The following UBE2G1 variants were observed in gnomAD, a reference collection of about 807,000 sequenced individuals.
UBE2G1 encodes the protein ubiquitin conjugating enzyme E2 G1, also known as ubiquitin-conjugating enzyme E2 G1.
In UBE2G1, 5 loss-of-function variants were observed where a neutral mutation model predicts 22.7. The ratio of observed to expected loss-of-function variants is 0.22; its 90% confidence interval spans 0.12 to 0.46. The LOEUF is 0.46. UBE2G1 is among the 20% of genes least tolerant of loss of function. The pLI, the probability that UBE2G1 is intolerant of heterozygous loss-of-function variation, is 0.99. For synonymous variants in UBE2G1, 74 were observed against 67.5 expected (o/e 1.10, Z -0.47); for missense variants, 88 against 203.9 (o/e 0.43, Z 3.46).
At chr17:4,278,592 T>C (rs765717166) in intron 5 of UBE2G1, among the ~76,000 whole-genome samples, 16 of 152,242 alleles carry the variant, frequency 1.1e-4, no homozygotes, top group Non-Finnish European at 7.3e-5. Flanking sequence ...GAGTGAAATA[T>C]AGACCCATTG....
chr17:4,305,028 C>T (rs1486032148), intron 2 of UBE2G1, among the ~76,000 whole-genome samples: 1 of 151,140 alleles, frequency 6.6e-6, no homozygotes, highest in African/African-American at 2.4e-5. Context: ...TCCCGGCTCA[C>T]TGCAACCTCT....
At chr17:4,348,719 G>C (rs1176347345) in intron 1 of UBE2G1, among the ~76,000 whole-genome samples, 1 of 149,214 alleles carries the variant, frequency 6.7e-6, no homozygotes, top group Non-Finnish European at 1.5e-5. Flanking sequence ...AAATTAACTA[G>C]GCATGGTGGC....
At chr17:4,313,712 T>C (rs1043078502) in intron 1 of UBE2G1, among the ~76,000 whole-genome samples, 5 of 152,174 alleles carry the variant, frequency 3.3e-5, no homozygotes, top group Admixed American at 3.3e-4. Context: ...GGTGTACTGG[T>C]AGAGGCATGC....
chr17:4,283,026 T>G, intron 4 of UBE2G1, 105 bp from the exon 5 acceptor site: 1 of 932,242 alleles, frequency 1.1e-6, no homozygotes, highest in Non-Finnish European at 1.6e-6. Flanking sequence ...ATTTGTACAC[T>G]TCAGAAACAT....
intron 1 of UBE2G1, among the ~76,000 whole-genome samples, chr17:4,328,979 G>A (rs1172096018): frequency 6.6e-6 from 1 of 152,008 alleles, no homozygotes. Flanking sequence ...GGTGGCGGAC[G>A]CCTGTAGTCC....
intron 1 of UBE2G1, among the ~76,000 whole-genome samples, chr17:4,349,884 A>T (rs1306178729): frequency 6.6e-6 from 1 of 152,148 alleles, no homozygotes; most frequent in East Asian, 1.9e-4. Context: ...TTAAATAAAT[A>T]AAAGGACACT....
At chr17:4,357,964 T>C (rs1345494802) in intron 1 of UBE2G1, among the ~76,000 whole-genome samples, 2 of 151,382 alleles carry the variant, frequency 1.3e-5, no homozygotes, top group Non-Finnish European at 2.9e-5. Flanking sequence ...AAAAGATATA[T>C]GTAGACACAA....
chr17:4,342,443 A>G (rs72829396), intron 1 of UBE2G1, among the ~76,000 whole-genome samples: 4,368 of 152,292 alleles, frequency 0.029, 107 homozygotes, highest in Admixed American at 0.071. Flanking sequence ...AATGTTAAAC[A>G]TTAGTCAGGC....
intron 1 of UBE2G1, among the ~76,000 whole-genome samples, chr17:4,328,857 C>G (rs563609458): frequency 5.9e-5 from 9 of 152,082 alleles, no homozygotes; most frequent in Admixed American, 5.9e-4. Flanking sequence ...GAGGCCGGGG[C>G]GGGCAGATCA....
chr17:4,360,713 A>T (rs1185384752), intron 1 of UBE2G1, among the ~76,000 whole-genome samples: 1 of 152,040 alleles, frequency 6.6e-6, no homozygotes, highest in Non-Finnish European at 1.5e-5. Context: ...GGAGTTCAAG[A>T]CCAGCCTGAC....
At chr17:4,318,494 A>G (rs1969401891) in intron 1 of UBE2G1, among the ~76,000 whole-genome samples, 1 of 152,234 alleles carries the variant, frequency 6.6e-6, no homozygotes, top group South Asian at 2.1e-4. Flanking sequence ...AAAACGAAGA[A>G]TAAGCAACAA....
intron 1 of UBE2G1, among the ~76,000 whole-genome samples, chr17:4,364,767 G>A (rs1269340772): frequency 6.6e-6 from 1 of 151,380 alleles, no homozygotes; most frequent in Non-Finnish European, 1.5e-5. Flanking sequence ...TTTTAGTAGT[G>A]ACGGGGGTTT....
chr17:4,359,884 G>A (rs916785722), intron 1 of UBE2G1, among the ~76,000 whole-genome samples: 1 of 150,416 alleles, frequency 6.6e-6, no homozygotes, highest in African/African-American at 2.4e-5. Flanking sequence ...AAAAAAAACT[G>A]CTGATTAACT....
At chr17:4,330,090 T>C (rs1969553425) in intron 1 of UBE2G1, among the ~76,000 whole-genome samples, 1 of 152,124 alleles carries the variant, frequency 6.6e-6, no homozygotes, top group Non-Finnish European at 1.5e-5. Flanking sequence ...CTAGTTTAGC[T>C]AGACCACCCA....
intron 2 of UBE2G1, among the ~76,000 whole-genome samples, chr17:4,305,075 C>G (rs1969233547): frequency 6.6e-6 from 1 of 151,874 alleles, no homozygotes; most frequent in African/African-American, 2.4e-5. Context: ...GCCTCAGCCT[C>G]CCGAGTAGCT....
At chr17:4,359,708 CA>C (rs1292739646) in intron 1 of UBE2G1, among the ~76,000 whole-genome samples, 1 of 152,042 alleles carries the variant, frequency 6.6e-6, no homozygotes, top group African/African-American at 2.4e-5. Flanking sequence ...AAAAATGATC[CA>C]GGGGTGGTGG....
intron 5 of UBE2G1, among the ~76,000 whole-genome samples, chr17:4,276,369 C>T (rs1016281234): frequency 7.9e-5 from 12 of 151,820 alleles, no homozygotes; most frequent in African/African-American, 1.9e-4. Flanking sequence ...TAGTAGGAAG[C>T]GGTTTTGCCA....
At chr17:4,359,682 T>C (rs1171425650) in intron 1 of UBE2G1, among the ~76,000 whole-genome samples, 1 of 151,990 alleles carries the variant, frequency 6.6e-6, no homozygotes, top group African/African-American at 2.4e-5. Context: ...TGAAACTCCA[T>C]CTCTACTAAA....
chr17:4,361,041 G>A (rs772386314), intron 1 of UBE2G1, among the ~76,000 whole-genome samples: 6 of 151,984 alleles, frequency 3.9e-5, no homozygotes, highest in East Asian at 1.9e-4. Flanking sequence ...TGGCCACCAC[G>A]GCGAAACCCT....
Sources: gnomAD v4.1 joint callset for allele counts (sites outside exome capture counted in the v4.1 genomes callset) on GRCh38, gnomAD v4.1.1 for gene constraint, MANE v1.5 for transcripts, NCBI Gene and HGNC (gene_info 2026-07-23, HGNC 2026-07-21) for gene names.